SMYD3: variants seen among roughly 807,000 people sequenced by gnomAD.
SMYD3 encodes the protein SET and MYND domain containing 3.
SMYD3 carries 36 observed loss-of-function variants against 57.7 expected under a neutral mutation model. That is an observed-to-expected ratio of 0.62 (90% CI 0.48 to 0.82). The LOEUF is 0.82. Ranked by LOEUF, SMYD3 falls within the 40% of genes least tolerant of loss-of-function variation. SMYD3 has a pLI of 0.00. For missense variants in SMYD3, 515 were observed against 538.8 expected (o/e 0.96, Z 0.44); for synonymous variants, 211 against 195.0 (o/e 1.08, Z -0.68).
intron 10 of SMYD3, among the ~76,000 whole-genome samples, chr1:245,792,895 A>G (rs1312065476): frequency 1.3e-5 from 2 of 152,164 alleles, no homozygotes; most frequent in African/African-American, 4.8e-5. Flanking sequence ...CCAGTACCAT[A>G]ATGATGACAA....
rs547859303 is a variant in SMYD3, at chr1:245,869,691, C to T, written c.814-5805G>A. On this transcript the variant is annotated intron_variant, in intron 8 of 11. Transcript: ENST00000490107. ...TACCGCCCTCCCAGTTCACTCACCCCATTCTTTCCCCTCACAGCTCCACCC... is the reference window on the plus strand; with the variant it reads ...TACCGCCCTCCCAGTTCACTCACCCTATTCTTTCCCCTCACAGCTCCACCC... 5.1e-4 allele frequency among the ~76,000 whole-genome samples: 77 copies of T among 152,320 alleles called. 2 individuals carry two copies. In the South Asian group the frequency reaches 0.016, roughly 31 times the overall value.
Position 245,793,028 on chromosome 1 carries a change from A to T in SMYD3, c.1077-28879T>A, listed in dbSNP as rs569670808. Reference sequence around the variant, plus strand: ...TTCTAGTTAGAAATATCTTCCATATAGGCCAGGCACAGTGGCTCATGCCTG... The same window carrying T: ...TTCTAGTTAGAAATATCTTCCATATTGGCCAGGCACAGTGGCTCATGCCTG... On this transcript the variant is annotated intron_variant, in intron 10 of 11. Transcript: ENST00000490107. 5.9e-5 allele frequency among the ~76,000 whole-genome samples: 9 copies of T among 152,164 alleles called. 1 individual carries two copies. In the South Asian group the frequency reaches 1.9e-3, roughly 32 times the overall value.
At chr1:245,939,105 T>G (rs1317808899) in intron 5 of SMYD3, among the ~76,000 whole-genome samples, 7 of 150,574 alleles carry the variant, frequency 4.6e-5, no homozygotes, top group Admixed American at 4.6e-4. Flanking sequence ...ATCACACCAC[T>G]GCACTCCAGC....
rs74207219 is a variant in SMYD3 at position 245,889,181 on chromosome 1, T to A, written c.814-25295A>T. On this transcript the variant is annotated intron_variant, in intron 8 of 11. Coordinates refer to ENST00000490107, the MANE Select transcript of SMYD3 (RefSeq NM_001167740.2). ...TGTTTTAAAGGCTTTGAGCATGTAC[T>A]ATGGACCAAAAGCATAAGCCTTCAA... Among the ~76,000 whole-genome samples, 603 of 152,278 alleles carry A rather than the reference T, an allele frequency of 4.0e-3. 8 individuals are homozygous for A. The East Asian group carries it at 0.061, about 15-fold the overall frequency.
At chr1:245,936,348 T>C (rs1421861732) in intron 5 of SMYD3, among the ~76,000 whole-genome samples, 1 of 143,266 alleles carries the variant, frequency 7.0e-6, no homozygotes, top group African/African-American at 2.4e-5. Flanking sequence ...GAACATACAC[T>C]GAATACGTAA....
intron 1 of SMYD3, among the ~76,000 whole-genome samples, chr1:246,396,559 A>C (rs1257453390): frequency 6.6e-6 from 1 of 152,200 alleles, no homozygotes; most frequent in Non-Finnish European, 1.5e-5. Flanking sequence ...TTTGATACTT[A>C]AGATAACCAG....
chr1:246,507,227 G>A lies in SMYD3; in HGVS notation c.-10C>T, dbSNP rs2103083481. On this transcript the variant is annotated 5_prime_UTR_variant, in exon 1 of 12. Transcript: ENST00000490107. ...CCTTCAGCGGCTCCATCCTCCCGCA[G>A]CTCCGGCACCTCAGACGGCTACCCG... 2 of 1,512,856 alleles carry A rather than the reference G, an allele frequency of 1.3e-6. No individual in the cohort carries two copies. The highest frequency in any genetic ancestry group is 1.8e-6 in the Non-Finnish European group (2 of 1,127,882). 93.7% of individuals were successfully genotyped at this position (1,512,856 alleles called of 1,614,324 possible).
At chr1:246,190,859 CAGA>C (rs1296988618) in intron 5 of SMYD3, among the ~76,000 whole-genome samples, 1 of 151,940 alleles carries the variant, frequency 6.6e-6, no homozygotes, top group East Asian at 1.9e-4. Context: ...CAAAGTAGAA[CAGA>C]AGAAGGAAAG....
chr1:246,385,703 T>C (rs1257458449), intron 1 of SMYD3, among the ~76,000 whole-genome samples: 14 of 152,180 alleles, frequency 9.2e-5, no homozygotes, highest in Admixed American at 9.2e-4. Flanking sequence ...ACATGGACCA[T>C]CAAAAGCGGG....
intron 5 of SMYD3, among the ~76,000 whole-genome samples, chr1:245,982,934 C>A (rs1348677357): frequency 6.6e-6 from 1 of 152,202 alleles, no homozygotes; most frequent in East Asian, 1.9e-4. Context: ...ACAGTTGAAT[C>A]CAAGACTGCT....
chr1:246,504,824 G>T (rs2068511114), intron 1 of SMYD3, among the ~76,000 whole-genome samples: 1 of 152,192 alleles, frequency 6.6e-6, no homozygotes, highest in Non-Finnish European at 1.5e-5. Context: ...AATGGACAGT[G>T]AATAAAGAGA....
chr1:245,985,850 T>C (rs1355987256), intron 5 of SMYD3, among the ~76,000 whole-genome samples: 1 of 152,208 alleles, frequency 6.6e-6, no homozygotes, highest in East Asian at 1.9e-4. Flanking sequence ...CAAATGTTCT[T>C]GACTTTGGAC....
intron 1 of SMYD3, among the ~76,000 whole-genome samples, chr1:246,455,557 T>C (rs562944547): frequency 6.6e-6 from 1 of 152,328 alleles, no homozygotes; most frequent in Non-Finnish European, 1.5e-5. Flanking sequence ...AGCCTCCAAA[T>C]GCTATAGAAA....
At position 245,832,810 on chromosome 1, in the gene SMYD3, CT is replaced by C. The variant is rs902251331; in HGVS notation, c.1076+25685del. ...AAAGAAATATTCAAGTTTCATGTGC[CT>C]TTTTTTATAAGCTTATTGTTTCATA... On this transcript the variant is annotated intron_variant, in intron 10 of 11. Coordinates refer to ENST00000490107, the MANE Select transcript of SMYD3 (RefSeq NM_001167740.2). Among the ~76,000 whole-genome samples the C allele has an allele frequency of 6.0e-5, 9 of 150,894 alleles. No homozygotes were observed. In the East Asian group the frequency reaches 1.4e-3, roughly 23 times the overall value.
At chr1:246,055,454 A>G (rs1243162886) in intron 5 of SMYD3, among the ~76,000 whole-genome samples, 3 of 152,284 alleles carry the variant, frequency 2.0e-5, no homozygotes, top group African/African-American at 7.2e-5. Flanking sequence ...AAGACAAGAA[A>G]AAATTTTAAA....
chr1:246,503,343 G>A (rs2068486100), intron 1 of SMYD3, among the ~76,000 whole-genome samples: 1 of 152,172 alleles, frequency 6.6e-6, no homozygotes, highest in Non-Finnish European at 1.5e-5. Context: ...GAGTTTGCCA[G>A]AAGTAACTCT....
intron 10 of SMYD3, among the ~76,000 whole-genome samples, chr1:245,815,692 G>C (rs926587277): frequency 6.6e-6 from 1 of 152,212 alleles, no homozygotes; most frequent in African/African-American, 2.4e-5. Context: ...GATAAGAACA[G>C]AGACAAAGGA....
intron 8 of SMYD3, among the ~76,000 whole-genome samples, chr1:245,894,877 C>T (rs941682420): frequency 6.6e-6 from 1 of 152,164 alleles, no homozygotes; most frequent in South Asian, 2.1e-4. Context: ...AGACAGAATT[C>T]ACGACACCAC....
intron 1 of SMYD3, among the ~76,000 whole-genome samples, chr1:246,386,894 A>C (rs116666519): frequency 0.28 from 41,533 of 150,776 alleles, 6,068 homozygotes; most frequent in Non-Finnish European, 0.33. Flanking sequence ...TTCTGATATA[A>C]AAAAAAAAAA....
Sources: allele counts gnomAD v4.1 joint callset (sites outside exome capture counted in the v4.1 genomes callset), GRCh38; gene constraint gnomAD v4.1.1; transcripts MANE v1.5; gene names NCBI Gene and HGNC (gene_info 2026-07-23, HGNC 2026-07-21).